Variants in PRIM2 observed in about 807,000 individuals in gnomAD.
The protein encoded by PRIM2 is DNA primase subunit 2, also known as DNA primase large subunit.
A neutral mutation model predicts 67.3 loss-of-function variants in PRIM2; 39 were observed. That is an observed-to-expected ratio of 0.58 (90% confidence interval 0.45 to 0.76). PRIM2 has a LOEUF of 0.76. PRIM2 is among the 30% of genes least tolerant of loss of function. The pLI is 0.00. For synonymous variants in PRIM2, 143 were observed against 198.7 expected (o/e 0.72, Z 2.36); for missense variants, 398 against 598.7 (o/e 0.66, Z 3.50).
At chr6:57,509,661 C>G (rs1774320479) in intron 8 of PRIM2, among the ~76,000 whole-genome samples, 2 of 152,086 alleles carry the variant, frequency 1.3e-5, no homozygotes, top group Non-Finnish European at 2.9e-5. Flanking sequence ...CCTAATTTCA[C>G]CAAATGCTGT....
At chr6:57,309,585 T>C in the PRIM2 span, among the ~76,000 whole-genome samples, 3 of 152,192 alleles carry the variant, frequency 2.0e-5, no homozygotes, top group Non-Finnish European at 4.4e-5. Context: ...TTTGGGTTGG[T>C]TCCAAGTCTT....
At chr6:57,544,991 C>G (rs1184182587) in intron 10 of PRIM2, among the ~76,000 whole-genome samples, 2 of 152,176 alleles carry the variant, frequency 1.3e-5, no homozygotes, top group East Asian at 3.9e-4. Context: ...AAAAAATAAT[C>G]TTTATCTGTT....
intron 5 of PRIM2, among the ~76,000 whole-genome samples, chr6:57,370,310 C>G: frequency 6.6e-6 from 1 of 151,914 alleles, no homozygotes; most frequent in Admixed American, 6.6e-5. Context: ...TATATTTTGT[C>G]CAATAGTTTT....
chr6:57,357,602 T>TG (rs1769072663), intron 5 of PRIM2, among the ~76,000 whole-genome samples: 2 of 151,852 alleles, frequency 1.3e-5, no homozygotes, highest in Admixed American at 1.3e-4. Flanking sequence ...GTGGCTTTTT[T>TG]TTTTTTTTTT....
At chr6:57,328,212 A>G (rs1398217421) in intron 5 of PRIM2, among the ~76,000 whole-genome samples, 1 of 152,202 alleles carries the variant, frequency 6.6e-6, no homozygotes, top group Non-Finnish European at 1.5e-5. Context: ...TAGAATTCAC[A>G]AATCTTGACA....
intron 13 of PRIM2, among the ~76,000 whole-genome samples, chr6:57,642,898 TA>T (rs1777271902): frequency 6.6e-6 from 1 of 152,180 alleles, no homozygotes; most frequent in African/African-American, 2.4e-5. Flanking sequence ...TTGGATTCCT[TA>T]AAGTAGAAAA....
chr6:57,307,584 G>A, the PRIM2 span, among the ~76,000 whole-genome samples: 5 of 152,242 alleles, frequency 3.3e-5, no homozygotes, highest in South Asian at 1.0e-3. Context: ...TGTGGGAGTA[G>A]GGAACCACAA....
rs1581917331 is a variant in PRIM2 at position 57,451,812 on chromosome 6, AGGG to A, written c.694-55574_694-55572del. On this transcript the variant is annotated intron_variant, in intron 7 of 13. Coordinates refer to ENST00000615550, the MANE Select transcript of PRIM2 (RefSeq NM_000947.5). ...TTTTTTTAATTATACTTTAAGTTTTAGGGTACATGTGCACTATGTGCAGGTTAA... is the reference window on the plus strand; with the variant it reads ...TTTTTTTAATTATACTTTAAGTTTTATACATGTGCACTATGTGCAGGTTAA... 7.5e-5 allele frequency among the ~76,000 whole-genome samples: 11 copies of A among 146,382 alleles called. No homozygotes were observed. The East Asian group carries it at 1.8e-3, about 24-fold the overall frequency.
chr6:57,459,492 T>C (rs1381416213), intron 7 of PRIM2, among the ~76,000 whole-genome samples: 1 of 152,206 alleles, frequency 6.6e-6, no homozygotes, highest in Non-Finnish European at 1.5e-5. Flanking sequence ...TTTTCACAAA[T>C]GGCAGGTTCC....
rs1257983935 is a variant in PRIM2, at chr6:57,545,374, T to A, written c.1020+7749T>A. ...TCATGAACATATACCATTCTGAAGA[T>A]ACTGAAATAAAAGAAACAGCCCTTA... On this transcript the variant is annotated intron_variant, in intron 10 of 13. Coordinates refer to ENST00000615550, the MANE Select transcript of PRIM2 (RefSeq NM_000947.5). Among the ~76,000 whole-genome samples the A allele has an allele frequency of 1.0e-3, 152 of 152,238 alleles. 1 individual carries two copies. Among genetic ancestry groups the A allele is most frequent in the African/African-American group, 3.6e-3 (150 of 41,502 alleles).
At chr6:57,313,327 A>G (rs1232518639), upstream of PRIM2, among the ~76,000 whole-genome samples, 1 of 152,072 alleles carries the variant, frequency 6.6e-6, no homozygotes, top group African/African-American at 2.4e-5. Flanking sequence ...TAACTTGTTT[A>G]TTGTCTCTCT....
chr6:57,614,102 G>T (rs1776712000), intron 12 of PRIM2, among the ~76,000 whole-genome samples: 1 of 152,192 alleles, frequency 6.6e-6, no homozygotes, highest in African/African-American at 2.4e-5. Flanking sequence ...GTGAGCCAGG[G>T]CAAGCAAGCA....
chr6:57,466,849 G>T (rs1236097476), intron 7 of PRIM2, among the ~76,000 whole-genome samples: 6 of 152,302 alleles, frequency 3.9e-5, no homozygotes, highest in African/African-American at 1.4e-4. Context: ...GCTGGGCGCA[G>T]TGGCTCACGC....
chr6:57,586,583 A>G (rs1222413788), intron 10 of PRIM2, among the ~76,000 whole-genome samples: 8 of 152,198 alleles, frequency 5.3e-5, no homozygotes, highest in African/African-American at 1.4e-4. Context: ...TTTTCTCACA[A>G]TGGGTATTTG....
intron 6 of PRIM2, among the ~76,000 whole-genome samples, chr6:57,381,564 A>ATT (rs1769961729): frequency 6.6e-6 from 1 of 152,200 alleles, no homozygotes; most frequent in East Asian, 1.9e-4. Context: ...TTTTCAGTAT[A>ATT]TTTCTCTGGA....
chr6:57,299,774 T>C, the PRIM2 span, among the ~76,000 whole-genome samples: 1 of 152,220 alleles, frequency 6.6e-6, no homozygotes, highest in African/African-American at 2.4e-5. Flanking sequence ...ATTTTCTGAT[T>C]TACTGTTCAG....
the PRIM2 span, among the ~76,000 whole-genome samples, chr6:57,257,966 T>G: frequency 6.6e-6 from 1 of 152,206 alleles, no homozygotes; most frequent in Non-Finnish European, 1.5e-5. Context: ...CCTGCCTTAG[T>G]CCTTCCCCAG....
chr6:57,222,953 A>G, the PRIM2 span, among the ~76,000 whole-genome samples: 1 of 152,214 alleles, frequency 6.6e-6, no homozygotes, highest in Non-Finnish European at 1.5e-5. Context: ...CATATAGAGC[A>G]AAGAGAAACG....
chr6:57,285,657 G>A, the PRIM2 span, among the ~76,000 whole-genome samples: 18 of 152,228 alleles, frequency 1.2e-4, no homozygotes, highest in African/African-American at 4.1e-4. Context: ...CAAAACCATA[G>A]ACAATATCAG....
Sources: gnomAD v4.1 joint callset for allele counts (sites outside exome capture counted in the v4.1 genomes callset) on GRCh38, gnomAD v4.1.1 for gene constraint, MANE v1.5 for transcripts, NCBI Gene and HGNC (gene_info 2026-07-23, HGNC 2026-07-21) for gene names.